TMEM65: variants seen among roughly 807,000 people sequenced by gnomAD.
TMEM65 encodes transmembrane protein 65.
A neutral mutation model predicts 25.4 loss-of-function variants in TMEM65; 22 were observed. The ratio of observed to expected loss-of-function variants is 0.86; its 90% CI spans 0.62 to 1.23. The LOEUF is 1.23. Ranked by LOEUF, TMEM65 falls within the 50% of genes most tolerant of loss-of-function variation. The pLI, the probability that TMEM65 is intolerant of heterozygous loss-of-function variation, is 0.00. For missense variants in TMEM65, 262 were observed against 308.2 expected (o/e 0.85, Z 1.12); for synonymous variants, 132 against 126.2 (o/e 1.05, Z -0.31).
In TMEM65 at chr8:124,312,718, T is replaced by C. The variant is rs1814179669; in HGVS notation, c.*1242A>G. The C allele has an allele frequency of 6.6e-6, 1 of 151,520 alleles. No homozygotes were observed. The highest frequency in any genetic ancestry group is 1.5e-5 in the Non-Finnish European group (1 of 67,740). 9.4% of individuals were successfully genotyped at this position (151,520 alleles called of 1,614,324 possible). A position where few individuals can be genotyped will look rare whatever the true frequency, so the allele number is the denominator to read the frequency against. ...TAAGCCAGAAGTACAAGACTAGAAA[T>C]AAGTAACTTCAACCTAAAATATGCT... On this transcript the variant is annotated 3_prime_UTR_variant, in exon 7 of 7. Transcript: ENST00000297632.
Position 124,308,915 on chromosome 8 carries a change from A to G in TMEM65, c.*5045T>C, listed in dbSNP as rs1367745019. The G allele has an allele frequency of 6.6e-6, 1 of 152,206 alleles. No individual in the cohort carries two copies. Among genetic ancestry groups the G allele is most frequent in the East Asian group, 1.9e-4 (1 of 5,198 alleles). The allele number at this position is 152,206 out of a possible 1,614,324, so 9.4% of individuals were successfully genotyped here. Reference sequence around the variant, plus strand: ...GAAAAAAAGCAAAACATCAGACAGAAGTTACAATGCATTTTCATAATTACA... The same window carrying G: ...GAAAAAAAGCAAAACATCAGACAGAGGTTACAATGCATTTTCATAATTACA... On this transcript the variant is annotated 3_prime_UTR_variant, in exon 7 of 7. Coordinates refer to ENST00000297632, the MANE Select transcript of TMEM65 (RefSeq NM_194291.3).
At chr8:124,346,939 A>C (rs1586467692) in intron 1 of TMEM65, among the ~76,000 whole-genome samples, 1 of 152,052 alleles carries the variant, frequency 6.6e-6, no homozygotes, top group African/African-American at 2.4e-5. Context: ...AATTTACAAT[A>C]AATATACAAC....
chr8:124,310,018 C>T lies in TMEM65; in HGVS notation c.*3942G>A, dbSNP rs890245353. On this transcript the variant is annotated 3_prime_UTR_variant, in exon 7 of 7. Transcript: ENST00000297632. The stretch of plus-strand genomic sequence containing the variant: ...CTACTAAAAATACAAAAAAATTAGG[C>T]TCGGTGGCACGTGACTGTAATCCCA... 2 of 152,166 alleles carry T rather than the reference C, an allele frequency of 1.3e-5. No individual in the cohort carries two copies. The highest frequency in any genetic ancestry group is 2.1e-4 in the South Asian group (1 of 4,824). The allele number at this position is 152,166 out of a possible 1,614,324, so 9.4% of individuals were successfully genotyped here.
chr8:124,328,181 G>A lies in TMEM65; in HGVS notation c.350-760C>T, dbSNP rs7814952. On this transcript the variant is annotated intron_variant, in intron 2 of 6. Transcript: ENST00000297632. ...AGCACTTTGGGAGGCTGAGGCGGGC[G>A]GATCATGAGGTCAAGAGATCGAGAC... 9.0e-3 allele frequency among the ~76,000 whole-genome samples: 1,363 copies of A among 152,100 alleles called. 20 individuals carry two copies. The highest frequency in any genetic ancestry group is 0.03 in the African/African-American group (1,229 of 41,488).
chr8:124,363,124 A>G (rs1376106340), intron 1 of TMEM65, among the ~76,000 whole-genome samples: 1 of 152,224 alleles, frequency 6.6e-6, no homozygotes, highest in Non-Finnish European at 1.5e-5. Flanking sequence ...TTCAAATTGA[A>G]AGTTTAGTCT....
chr8:124,327,463 T>G (rs769541896), intron 2 of TMEM65, 42 bp from the exon 3 acceptor site: 1 of 1,334,126 alleles, frequency 7.5e-7, no homozygotes, highest in Non-Finnish European at 1.0e-6. Flanking sequence ...TTAAGATTTC[T>G]ATAACTTAGA....
At chr8:124,331,041 G>A (rs1814425446) in intron 1 of TMEM65, among the ~76,000 whole-genome samples, 1 of 151,896 alleles carries the variant, frequency 6.6e-6, no homozygotes, top group African/African-American at 2.4e-5. Context: ...CCCTGGGTAA[G>A]TTCATTTGTT....
At chr8:124,322,868 C>T (rs1235022019) in intron 4 of TMEM65, among the ~76,000 whole-genome samples, 5 of 151,814 alleles carry the variant, frequency 3.3e-5, no homozygotes, top group South Asian at 2.1e-4. Flanking sequence ...TGATGGCAGG[C>T]GCCAGTAGTC....
At chr8:124,354,864 C>A (rs1320007481) in intron 1 of TMEM65, among the ~76,000 whole-genome samples, 1 of 152,136 alleles carries the variant, frequency 6.6e-6, no homozygotes, top group Non-Finnish European at 1.5e-5. Context: ...AATGATAGGG[C>A]ATCATATCAG....
Position 124,318,375 on chromosome 8 carries a change from T to G in TMEM65, c.621+1711A>C, listed in dbSNP as rs1346889930. On this transcript the variant is annotated intron_variant, in intron 6 of 6. Transcript: ENST00000297632. ...GCTGAATTTGCATGTTTTTGTTTTT[T>G]TTTTTTTTTTTTTTTTTGAGATGGA... 8.9e-5 allele frequency among the ~76,000 whole-genome samples: 11 copies of G among 124,002 alleles called. No individual in the cohort carries two copies. In the South Asian group the frequency reaches 1.8e-3, roughly 20 times the overall value. The allele number at this position is 124,002 out of a possible 152,430, so 81.4% of individuals were successfully genotyped here. A position where few individuals can be genotyped will look rare whatever the true frequency, so the allele number is the denominator to read the frequency against.
chr8:124,333,470 CGTGT>C (rs10660640), intron 1 of TMEM65, among the ~76,000 whole-genome samples: 10,631 of 149,212 alleles, frequency 0.071, 378 homozygotes, highest in African/African-American at 0.094. Context: ...TGTGTGTGTG[CGTGT>C]GTGTGTGTGT....
chr8:124,341,767 C>T (rs1814585623), intron 1 of TMEM65, among the ~76,000 whole-genome samples: 1 of 151,720 alleles, frequency 6.6e-6, no homozygotes, highest in Admixed American at 6.6e-5. Context: ...ATTTTAATCA[C>T]GGATTTTAAA....
chr8:124,350,353 T>C (rs1441595406), intron 1 of TMEM65, among the ~76,000 whole-genome samples: 3 of 152,052 alleles, frequency 2.0e-5, no homozygotes, highest in African/African-American at 7.2e-5. Flanking sequence ...CTAAATCAAA[T>C]AGTAATCAGA....
intron 1 of TMEM65, among the ~76,000 whole-genome samples, chr8:124,347,557 C>T (rs1814653668): frequency 6.6e-6 from 1 of 152,148 alleles, no homozygotes; most frequent in South Asian, 2.1e-4. Flanking sequence ...CAGGTAACTA[C>T]AAACTACTTG....
intron 6 of TMEM65, among the ~76,000 whole-genome samples, chr8:124,317,985 G>A (rs566805157): frequency 1.6e-4 from 24 of 152,124 alleles, no homozygotes; most frequent in South Asian, 1.0e-3. Flanking sequence ...TAACACTAAC[G>A]ATAGCTGATA....
At chr8:124,353,190 T>TTG (rs1814735645) in intron 1 of TMEM65, among the ~76,000 whole-genome samples, 1 of 151,718 alleles carries the variant, frequency 6.6e-6, no homozygotes, top group African/African-American at 2.4e-5. Context: ...GGGGAAGGGA[T>TTG]TGTGGCTCAG....
At position 124,354,619 on chromosome 8, in the gene TMEM65, T is replaced by C. The variant is rs564963578; in HGVS notation, c.304+17235A>G. Among the ~76,000 whole-genome samples, 238 of 152,236 alleles carry C rather than the reference T, an allele frequency of 1.6e-3. 3 individuals carry two copies. Among genetic ancestry groups the C allele is most frequent in the Middle Eastern group, 3.4e-3 (1 of 294 alleles). On this transcript the variant is annotated intron_variant, in intron 1 of 6. Coordinates refer to ENST00000297632, the MANE Select transcript of TMEM65 (RefSeq NM_194291.3). ...TTTCACAGAAGCAGAGGCCCAACCCTTTTGCCCAACTCCAGACAACACAAA... is the reference window on the plus strand; with the variant it reads ...TTTCACAGAAGCAGAGGCCCAACCCCTTTGCCCAACTCCAGACAACACAAA...
intron 1 of TMEM65, among the ~76,000 whole-genome samples, chr8:124,359,972 C>T (rs568817938): frequency 6.6e-6 from 1 of 152,216 alleles, no homozygotes; most frequent in East Asian, 1.9e-4. Context: ...GCTTTCTTTG[C>T]CCTTTTCCTT....
intron 1 of TMEM65, among the ~76,000 whole-genome samples, chr8:124,352,537 T>A (rs1005697895): frequency 7.6e-6 from 1 of 131,998 alleles, no homozygotes; most frequent in East Asian, 2.3e-4. Flanking sequence ...TAAAATAAAA[T>A]AAAAATACAG....
Sources: allele counts gnomAD v4.1 joint callset (sites outside exome capture counted in the v4.1 genomes callset), GRCh38; gene constraint gnomAD v4.1.1; transcripts MANE v1.5; gene names NCBI Gene and HGNC (gene_info 2026-07-23, HGNC 2026-07-21).